Variants in MBOAT1 observed in about 807,000 individuals in gnomAD.
MBOAT1 encodes the protein membrane bound glycerophospholipid O-acyltransferase 1, also known as membrane-bound glycerophospholipid O-acyltransferase 1.
A neutral mutation model predicts 64.4 loss-of-function variants in MBOAT1; 67 were observed. That is an observed-to-expected ratio of 1.04 (90% confidence interval 0.85 to 1.27). The LOEUF (loss-of-function observed/expected upper bound fraction) is 1.27. Ranked by LOEUF, MBOAT1 falls within the 50% of genes most tolerant of loss-of-function variation. The pLI is 0.00. For missense variants in MBOAT1, 563 were observed against 604.6 expected, an observed-to-expected ratio of 0.93 and a Z score of 0.72; for synonymous variants, 229 against 218.9, an observed-to-expected ratio of 1.05 and a Z score of -0.41.
chr6:20,156,249 C>T (rs771224926), intron 1 of MBOAT1, among the ~76,000 whole-genome samples: 31 of 142,582 alleles, frequency 2.2e-4, no homozygotes, highest in Non-Finnish European at 3.0e-4. Flanking sequence ...CCAGCCTGGG[C>T]GACAGGGCGA....
At chr6:20,167,863 T>G (rs1214291753) in intron 1 of MBOAT1, among the ~76,000 whole-genome samples, 1 of 152,208 alleles carries the variant, frequency 6.6e-6, no homozygotes, top group African/African-American at 2.4e-5. Context: ...GTACGATGCA[T>G]GCTAGATATT....
Position 20,152,555 on chromosome 6 carries a change from G to A in MBOAT1, c.245+69C>T, listed in dbSNP as rs1761546867. 3 of 1,491,482 alleles carry A rather than the reference G, an allele frequency of 2.0e-6. No individual in the cohort carries two copies. The East Asian group carries it at 7.3e-5, about 36-fold the overall frequency. 92.4% of individuals were successfully genotyped at this position (1,491,482 alleles called of 1,614,324 possible). A position where few individuals can be genotyped will look rare whatever the true frequency, so the allele number is the denominator to read the frequency against. Reference sequence around the variant, plus strand: ...AATGCCATCTATTTCTGGCTTTAGTGCAATTCCAAGGACATTGCCACAAAA... The same window carrying A: ...AATGCCATCTATTTCTGGCTTTAGTACAATTCCAAGGACATTGCCACAAAA... On this transcript the variant is annotated intron_variant, in intron 2 of 12. Coordinates refer to ENST00000324607, the MANE Select transcript of MBOAT1 (RefSeq NM_001080480.3).
rs530150910 is a variant in MBOAT1, at chr6:20,099,866, TG to T, written c.*2419del. 3.3e-5 allele frequency among the ~76,000 whole-genome samples: 5 copies of T among 152,222 alleles called. No individual in the cohort carries two copies. Among genetic ancestry groups the T allele is most frequent in the Non-Finnish European group, 7.3e-5 (5 of 68,036 alleles). On this transcript the variant is annotated 3_prime_UTR_variant, in exon 13 of 13. Transcript: ENST00000324607. ...GGTCCTCAGTTGAAATCTTTTTCTA[TG>T]GGTAAGTGGTTTTCAGAAGAAAAAG...
At chr6:20,164,502 C>T (rs1272549539) in intron 1 of MBOAT1, among the ~76,000 whole-genome samples, 1 of 152,182 alleles carries the variant, frequency 6.6e-6, no homozygotes. Context: ...ACTAGCAGGA[C>T]TTCTCAACAT....
chr6:20,102,542 A>T, intron 12 of MBOAT1, 130 bp from the exon 13 acceptor site: 2 of 681,084 alleles, frequency 2.9e-6, no homozygotes, highest in South Asian at 3.9e-5. Flanking sequence ...GTCTACACTC[A>T]GGCTTCCCTC....
At chr6:20,154,512 A>G (rs1436783935) in intron 1 of MBOAT1, among the ~76,000 whole-genome samples, 1 of 152,180 alleles carries the variant, frequency 6.6e-6, no homozygotes, top group African/African-American at 2.4e-5. Flanking sequence ...CAGCCTGGGC[A>G]ACAGAGCAAG....
chr6:20,122,221 C>T (rs769216660), intron 8 of MBOAT1, among the ~76,000 whole-genome samples: 4 of 152,144 alleles, frequency 2.6e-5, no homozygotes, highest in Non-Finnish European at 4.4e-5. Flanking sequence ...TGTAAGTAGG[C>T]TTCCAACCAT....
chr6:20,121,034 T>A (rs1322449009), intron 8 of MBOAT1, among the ~76,000 whole-genome samples: 1 of 152,184 alleles, frequency 6.6e-6, no homozygotes, highest in Non-Finnish European at 1.5e-5. Flanking sequence ...TAAAGTTAAG[T>A]CTCACTAACT....
chr6:20,115,431 C>A, intron 9 of MBOAT1, 79 bp from the exon 10 acceptor site: 1 of 1,192,130 alleles, frequency 8.4e-7, no homozygotes. Context: ...GTTTCCCTGG[C>A]AGCAGGTTAG....
chr6:20,205,304 G>T lies in MBOAT1; in HGVS notation c.99+6832C>A, dbSNP rs142012634. Among the ~76,000 whole-genome samples the T allele has an allele frequency of 5.1e-3, 782 of 152,320 alleles. 1 individual carries two copies. Among genetic ancestry groups the T allele is most frequent in the Non-Finnish European group, 7.6e-3 (520 of 68,028 alleles). ...TAACTTTTAGTGCTGTATTAACTGA[G>T]AGAATGTATGCAGAGCAGTGCTGAG... On this transcript the variant is annotated intron_variant, in intron 1 of 12. Coordinates refer to ENST00000324607, the MANE Select transcript of MBOAT1 (RefSeq NM_001080480.3).
intron 1 of MBOAT1, among the ~76,000 whole-genome samples, chr6:20,185,267 A>ATCAG: frequency 6.6e-6 from 1 of 152,272 alleles, no homozygotes; most frequent in Non-Finnish European, 1.5e-5. Flanking sequence ...CAATCAATCA[A>ATCAG]TCAATAGCAA....
intron 5 of MBOAT1, among the ~76,000 whole-genome samples, chr6:20,130,348 T>TTTGTTG (rs566699579): frequency 5.3e-5 from 8 of 151,808 alleles, no homozygotes; most frequent in East Asian, 1.9e-4. Flanking sequence ...TTTTCCCAGC[T>TTTGTTG]TTGTTGTTGT....
chr6:20,163,182 T>C (rs1161185652), intron 1 of MBOAT1, among the ~76,000 whole-genome samples: 1 of 152,160 alleles, frequency 6.6e-6, no homozygotes, highest in Admixed American at 6.5e-5. Context: ...GCCTGCCTCC[T>C]ATCCCATAAA....
At chr6:20,184,607 C>G (rs1170481926) in intron 1 of MBOAT1, among the ~76,000 whole-genome samples, 1 of 152,110 alleles carries the variant, frequency 6.6e-6, no homozygotes, top group Non-Finnish European at 1.5e-5. Context: ...CATCCTCCGC[C>G]AAATGAACCA....
intron 1 of MBOAT1, among the ~76,000 whole-genome samples, chr6:20,162,337 C>T (rs181196024): frequency 3.9e-5 from 6 of 152,220 alleles, no homozygotes; most frequent in Admixed American, 2.0e-4. Context: ...GCAAAGGCTG[C>T]GTGGGATGCT....
At chr6:20,133,961 C>A (rs1332417023) in intron 4 of MBOAT1, among the ~76,000 whole-genome samples, 2 of 152,186 alleles carry the variant, frequency 1.3e-5, no homozygotes, top group African/African-American at 2.4e-5. Context: ...AGTAGGGACA[C>A]TTAGGCAGAC....
At chr6:20,158,873 C>A (rs1761768540) in intron 1 of MBOAT1, among the ~76,000 whole-genome samples, 1 of 152,100 alleles carries the variant, frequency 6.6e-6, no homozygotes, top group Admixed American at 6.6e-5. Flanking sequence ...TGAGACAACA[C>A]CTCACGTGTG....
chr6:20,119,524 T>TA (rs1314550867), intron 8 of MBOAT1, among the ~76,000 whole-genome samples: 1 of 152,228 alleles, frequency 6.6e-6, no homozygotes, highest in Non-Finnish European at 1.5e-5. Flanking sequence ...AGTCCAACTC[T>TA]AGATGGCCTT....
At chr6:20,171,910 G>A (rs1427118660) in intron 1 of MBOAT1, among the ~76,000 whole-genome samples, 1 of 152,004 alleles carries the variant, frequency 6.6e-6, no homozygotes, top group Non-Finnish European at 1.5e-5. Context: ...GCGCTCACCT[G>A]TAGTCCCAGC....
Sources: gnomAD v4.1 joint callset for allele counts (sites outside exome capture counted in the v4.1 genomes callset) on GRCh38, gnomAD v4.1.1 for gene constraint, MANE v1.5 for transcripts, NCBI Gene and HGNC (gene_info 2026-07-23, HGNC 2026-07-21) for gene names.